TSN: variants seen among roughly 807,000 people sequenced by gnomAD.
TSN encodes the protein translin, also known as component 3 of promoter of RISC.
In TSN, 5 loss-of-function variants were observed where a neutral mutation model predicts 29.4. The ratio of observed to expected loss-of-function variants is 0.17; its 90% CI spans 0.09 to 0.36. The LOEUF (loss-of-function observed/expected upper bound fraction) is 0.36, where lower values mean the gene tolerates loss of function less well. TSN is among the 10% of genes least tolerant of loss of function. The pLI, the probability that TSN is intolerant of heterozygous loss-of-function variation, is 1.00. For synonymous variants in TSN, 106 were observed against 102.2 expected (o/e 1.04, Z -0.23); for missense variants, 159 against 272.8 (o/e 0.58, Z 2.94).
At position 121,767,020 on chromosome 2, in the gene TSN, C is replaced by T. The variant is rs2074910618; in HGVS notation, c.*1653C>T. On this transcript the variant is annotated 3_prime_UTR_variant, in exon 6 of 6. Coordinates refer to ENST00000389682, the MANE Select transcript of TSN (RefSeq NM_004622.3). ...CAGTAATAGCACTGCCAGGATCAAG[C>T]ATGAAAGGCTTTTAAATTAGATCAT... The T allele has an allele frequency of 6.6e-6, 1 of 152,184 alleles. No individual in the cohort carries two copies. The allele number at this position is 152,184 out of a possible 1,614,324, so 9.4% of individuals were successfully genotyped here.
chr2:121,765,500 T>A lies in TSN; in HGVS notation c.*133T>A. 2.4e-6 allele frequency: 2 copies of A among 816,692 alleles called. No homozygotes were observed. The highest frequency in any genetic ancestry group is 3.8e-6 in the Non-Finnish European group (2 of 522,728). The allele number at this position is 816,692 out of a possible 1,614,324, so 50.6% of individuals were successfully genotyped here. A position where few individuals can be genotyped will look rare whatever the true frequency, so the allele number is the denominator to read the frequency against. On this transcript the variant is annotated 3_prime_UTR_variant, in exon 6 of 6. Coordinates refer to ENST00000389682, the MANE Select transcript of TSN (RefSeq NM_004622.3). ...TTTATTTTCTTAACCAGTTGTGGTG[T>A]GAGTATCAGAATTGAAACACTTTTT...
chr2:121,760,401 A>C (rs192576470), intron 3 of TSN, among the ~76,000 whole-genome samples: 1 of 152,324 alleles, frequency 6.6e-6, no homozygotes, highest in East Asian at 1.9e-4. Context: ...GCTGAAGCAC[A>C]GAGAGAGGTA....
chr2:121,756,588 A>G (rs1040544192), intron 1 of TSN: 18 of 1,281,552 alleles, frequency 1.4e-5, no homozygotes, highest in African/African-American at 9.2e-5. Context: ...CTCGCACATA[A>G]GTATGCTCAG....
At chr2:121,756,166 G>T in intron 1 of TSN, 1 of 426,354 alleles carries the variant, frequency 2.3e-6, no homozygotes, top group Non-Finnish European at 4.3e-6. Context: ...ATTTTTGTTG[G>T]TGTCTTAAAA....
At chr2:121,762,103 C>T (rs747283990) in intron 4 of TSN, among the ~76,000 whole-genome samples, 21 of 152,072 alleles carry the variant, frequency 1.4e-4, no homozygotes, top group Non-Finnish European at 2.9e-4. Context: ...AGCATTTCTC[C>T]TACCTCAGCC....
intron 3 of TSN, among the ~76,000 whole-genome samples, chr2:121,759,965 A>G (rs1349608351): frequency 2.0e-5 from 3 of 152,240 alleles, no homozygotes; most frequent in Admixed American, 2.0e-4. Context: ...AATATTTACT[A>G]CTTGGCCCTT....
rs531006115 is a variant in TSN, at chr2:121,755,672, G to C, written c.-108G>C. 9 of 1,454,972 alleles carry C rather than the reference G, an allele frequency of 6.2e-6. No individual in the cohort carries two copies. In the East Asian group the frequency reaches 1.2e-4, roughly 19 times the overall value. 90.1% of individuals were successfully genotyped at this position (1,454,972 alleles called of 1,614,324 possible). A position where few individuals can be genotyped will look rare whatever the true frequency, so the allele number is the denominator to read the frequency against. ...CGACGGTCGTGGCGTAAGACCGGGG[G>C]GACGCGGCGGTAGCGGCGGCCGTTG... On this transcript the variant is annotated 5_prime_UTR_variant, in exon 1 of 6. Coordinates refer to ENST00000389682, the MANE Select transcript of TSN (RefSeq NM_004622.3).
chr2:121,761,636 AC>A (rs1162778472), intron 4 of TSN, 112 bp downstream of exon 4: 26 of 804,542 alleles, frequency 3.2e-5, no homozygotes, highest in Non-Finnish European at 4.2e-5. Context: ...ACTAAAAACC[AC>A]TTATAGTTGT....
chr2:121,765,272 T>C lies in TSN; in HGVS notation c.592T>C (p.Leu198=). The C allele has an allele frequency of 6.2e-7, 1 of 1,614,184 alleles. No homozygotes were observed. The highest frequency in any genetic ancestry group is 8.5e-7 in the Non-Finnish European group (1 of 1,180,032). The change falls in exon 6 of 6, where the codon TTG becomes CTG. Residue 198 remains leucine (L), a synonymous_variant. Coordinates refer to ENST00000389682, the MANE Select transcript of TSN (RefSeq NM_004622.3). ...NDSLRKRYDG[L]KYDVKKVEEV... is the part of the protein sequence containing the mutation. ...CTCCCTGAGGAAGCGCTACGACGGA[T>C]TGAAATATGACGTGAAGAAAGTAGA...
chr2:121,756,032 C>G, intron 1 of TSN, 187 bp downstream of exon 1: 4 of 1,242,698 alleles, frequency 3.2e-6, no homozygotes, highest in Non-Finnish European at 4.3e-6. Flanking sequence ...CCTGATTCCC[C>G]GTGTTCGAGT....
chr2:121,762,331 T>C (rs1355894710), intron 4 of TSN, among the ~76,000 whole-genome samples: 1 of 152,130 alleles, frequency 6.6e-6, no homozygotes, highest in Non-Finnish European at 1.5e-5. Context: ...GGTTTCACCA[T>C]GTTGGCCAGG....
intron 5 of TSN, among the ~76,000 whole-genome samples, chr2:121,764,090 C>T (rs908873142): frequency 6.6e-6 from 1 of 152,130 alleles, no homozygotes; most frequent in Non-Finnish European, 1.5e-5. Context: ...TGAAGTTGTA[C>T]ACACAACTTC....
Position 121,762,610 on chromosome 2 carries a change from C to T in TSN, c.374-395C>T, listed in dbSNP as rs138644408. Among the ~76,000 whole-genome samples the T allele has an allele frequency of 6.9e-3, 1,054 of 152,344 alleles. 10 individuals are homozygous for T. Among genetic ancestry groups the T allele is most frequent in the Non-Finnish European group, 9.3e-3 (631 of 68,032 alleles). On this transcript the variant is annotated intron_variant, in intron 4 of 5. Coordinates refer to ENST00000389682, the MANE Select transcript of TSN (RefSeq NM_004622.3). The stretch of plus-strand genomic sequence containing the variant: ...GAATAGTACAATGAATACCTGTTTA[C>T]ATGCCACTTAGATTTACCACTTGTT...
At chr2:121,758,166 A>G (rs552372331) in intron 2 of TSN, among the ~76,000 whole-genome samples, 3 of 152,328 alleles carry the variant, frequency 2.0e-5, no homozygotes, top group African/African-American at 7.2e-5. Flanking sequence ...CTTGAATGAA[A>G]ATAAAATATG....
intron 1 of TSN, 112 bp downstream of exon 1, chr2:121,755,957 G>C: frequency 6.4e-7 from 1 of 1,552,324 alleles, no homozygotes; most frequent in Admixed American, 1.9e-5. Context: ...TCCGAGGGTG[G>C]GTTGCTTCCC....
intron 1 of TSN, 90 bp downstream of exon 1, chr2:121,755,935 G>A (rs933518252): frequency 2.1e-5 from 34 of 1,588,878 alleles, no homozygotes; most frequent in African/African-American, 1.1e-4. Context: ...AGTCTCGGGC[G>A]GTGGGGACGC....
rs2074917293 is a variant in TSN at position 121,767,453 on chromosome 2, A to G, written c.*2086A>G. The G allele has an allele frequency of 6.6e-6, 1 of 152,172 alleles. No individual in the cohort carries two copies. Among genetic ancestry groups the G allele is most frequent in the Non-Finnish European group, 1.5e-5 (1 of 68,030 alleles). 9.4% of individuals were successfully genotyped at this position (152,172 alleles called of 1,614,324 possible). On this transcript the variant is annotated 3_prime_UTR_variant, in exon 6 of 6. Transcript: ENST00000389682. ...GAGTTCTATACTGTAAAGCGCAGAT[A>G]ACATTTGTGTGTTATACCTTGATTG... is the stretch of plus-strand genomic sequence containing the variant.
Position 121,755,847 on chromosome 2 carries a change from C to T in TSN, c.66+2C>T, listed in dbSNP as rs1344105657. 1.2e-6 allele frequency: 2 copies of T among 1,613,998 alleles called. No individual in the cohort carries two copies. Among genetic ancestry groups the T allele is most frequent in the South Asian group, 1.1e-5 (1 of 91,082 alleles). On this transcript the variant is annotated splice_donor_variant, in intron 1 of 5. Transcript: ENST00000389682. LOFTEE classifies it low-confidence loss of function (GC_TO_GT_DONOR). ...GCTGCCGAGCAGGACATCCGAGAGG[C>T]GAGCCCCCTCCCTTCCCCATTCCCT...
intron 1 of TSN, 30 bp from the exon 2 acceptor site, chr2:121,757,210 T>A: frequency 6.3e-7 from 1 of 1,592,020 alleles, no homozygotes; most frequent in South Asian, 1.1e-5. Flanking sequence ...TTCTGTTGAG[T>A]ATCTGATTTT....
Sources: gnomAD v4.1 joint callset for allele counts (sites outside exome capture counted in the v4.1 genomes callset) on GRCh38, gnomAD v4.1.1 for gene constraint, MANE v1.5 for transcripts, NCBI Gene and HGNC (gene_info 2026-07-23, HGNC 2026-07-21) for gene names.